Variants in DMD observed in about 807,000 individuals in gnomAD.
DMD encodes dystrophin, also known as mutant dystrophin.
Under a neutral mutation model 330.1 loss-of-function variants are expected in DMD, and 63 were observed. The ratio of observed to expected loss-of-function variants is 0.19; its 90% CI spans 0.16 to 0.24. The LOEUF is 0.24. DMD is among the 10% of genes least tolerant of loss of function. DMD has a pLI of 1.00. For missense variants in DMD, 3,344 were observed against 2,684.1 expected (o/e 1.25, Z -5.43); for synonymous variants, 1,223 against 959.8 (o/e 1.27, Z -5.07).
chrX:32,015,228 G>A (rs1348199663), intron 44 of DMD, among the ~76,000 whole-genome samples: 2 of 111,656 alleles, frequency 1.8e-5, no homozygotes, highest in African/African-American at 3.3e-5. Flanking sequence ...CAGTTCGATC[G>A]ACGCTTTTCA....
chrX:31,140,481 T>A (rs1602091169), intron 76 of DMD, among the ~76,000 whole-genome samples: 1 of 112,363 alleles, frequency 8.9e-6, no homozygotes, highest in Non-Finnish European at 1.9e-5. Flanking sequence ...TTCTCCAGTA[T>A]TTTTTAGAAG....
intron 44 of DMD, chrX:32,206,802 T>A: frequency 2.5e-6 from 1 of 393,171 alleles, no homozygotes; most frequent in Non-Finnish European, 4.7e-6. Flanking sequence ...ACAGTTGATA[T>A]CTGGCTGTCG....
intron 41 of DMD, among the ~76,000 whole-genome samples, chrX:32,317,713 G>C (rs2097588073): frequency 9.0e-6 from 1 of 110,892 alleles, no homozygotes; most frequent in Non-Finnish European, 1.9e-5. Flanking sequence ...ATATGATTAT[G>C]ACATATGCCA....
intron 42 of DMD, among the ~76,000 whole-genome samples, chrX:32,308,449 T>G: frequency 9.0e-6 from 1 of 110,784 alleles, no homozygotes; most frequent in Middle Eastern, 4.6e-3. Context: ...AAATACATAT[T>G]CACTGAAAAG....
intron 1 of DMD, among the ~76,000 whole-genome samples, chrX:33,096,786 G>A (rs954356808): frequency 2.7e-5 from 3 of 112,455 alleles, no homozygotes; most frequent in South Asian, 3.6e-4. Context: ...GATTATAGGC[G>A]CGAGCCACCG....
intron 44 of DMD, among the ~76,000 whole-genome samples, chrX:32,149,976 C>A (rs1437324445): frequency 8.9e-6 from 1 of 111,847 alleles, no homozygotes; most frequent in Non-Finnish European, 1.9e-5. Flanking sequence ...TGTCTGCAAC[C>A]AGCAGTCATT....
Position 31,180,405 on chromosome X carries a change from T to C in DMD, c.10051A>G (p.Lys3351Glu). 1 of 1,210,486 alleles carries C rather than the reference T, an allele frequency of 8.3e-7. No homozygotes were observed. Among genetic ancestry groups the C allele is most frequent in the Non-Finnish European group, 1.1e-6 (1 of 894,308 alleles). The change falls in exon 69 of 79, where the codon AAA (lysine) becomes GAA (glutamate). Residue 3351 changes from lysine (K) to glutamate (E), a missense_variant. Lys to Glu is a moderately conservative substitution (Grantham distance 56). Transcript: ENST00000357033. The stretch of plus-strand genomic sequence containing the variant: ...TATTCCACCATGGGATAGTGCATTT[T>C]ATGGCCTTTTGCAACTCGACCAGAA... ...FFSGRVAKGH[K>E]MHYPMVEYCT... is the part of the protein sequence containing the mutation.
chrX:32,342,191 G>A lies in DMD; in HGVS notation c.5831C>T (p.Ala1944Val). The part of the protein sequence containing the change: ...EGLSEDGAAM[A>V]VEPTQIQLSK... ...GAGCTGGATCTGAGTTGGCTCCACT[G>A]CCATTGCGGCCCCATCCTCAGACAA... The change falls in exon 41 of 79, where the codon GCA becomes GTA. Residue 1944 changes from alanine (A) to valine (V), a missense_variant. Coordinates refer to ENST00000357033, the MANE Select transcript of DMD (RefSeq NM_004006.3). 1.7e-6 allele frequency: 2 copies of A among 1,210,681 alleles called. No individual in the cohort carries two copies. Among genetic ancestry groups the A allele is most frequent in the Non-Finnish European group, 2.2e-6 (2 of 894,824 alleles).
intron 17 of DMD, among the ~76,000 whole-genome samples, chrX:32,518,761 C>G (rs2046117224): frequency 9.0e-6 from 1 of 110,638 alleles, no homozygotes. Flanking sequence ...CATGAAGAAG[C>G]ATGGGGCACC....
chrX:32,618,140 T>C (rs1191707327), intron 11 of DMD, among the ~76,000 whole-genome samples: 1 of 112,001 alleles, frequency 8.9e-6, no homozygotes, highest in Non-Finnish European at 1.9e-5. Flanking sequence ...AGAACTACCA[T>C]TGGACCCAGC....
rs188504262 is a variant in DMD, at chrX:31,393,587, G to A, written c.9085-44953C>T. Among the ~76,000 whole-genome samples the A allele has an allele frequency of 2.6e-3, 283 of 110,240 alleles. 2 individuals are homozygous for A. Among genetic ancestry groups the A allele is most frequent in the Non-Finnish European group, 3.7e-3 (194 of 52,881 alleles). ...CATATCAAGAGAATACATCATCATC[G>A]TCATCATCATATCAACAACTAGAAA... On this transcript the variant is annotated intron_variant, in intron 60 of 78. Transcript: ENST00000357033.
intron 54 of DMD, among the ~76,000 whole-genome samples, chrX:31,649,831 A>C (rs1178659856): frequency 9.0e-6 from 1 of 111,553 alleles, no homozygotes; most frequent in East Asian, 2.8e-4. Flanking sequence ...GAATTTTTTA[A>C]CATACCAAAT....
chrX:31,627,541 A>G, intron 55 of DMD, 132 bp downstream of exon 55: 3 of 652,096 alleles, frequency 4.6e-6, no homozygotes, highest in Non-Finnish European at 7.3e-6. Context: ...TCCTTGTCCA[A>G]ATACCGAAAT....
At chrX:31,322,882 T>A (rs1378265906) in intron 62 of DMD, among the ~76,000 whole-genome samples, 2 of 111,957 alleles carry the variant, frequency 1.8e-5, no homozygotes, top group East Asian at 2.8e-4. Flanking sequence ...AATTCAAAGT[T>A]AAATTTAAGT....
At chrX:32,467,900 A>C (rs2040212820) in intron 23 of DMD, among the ~76,000 whole-genome samples, 1 of 110,065 alleles carries the variant, frequency 9.1e-6, no homozygotes, top group African/African-American at 3.3e-5. Flanking sequence ...GGACATTAAT[A>C]CACCTACATT....
At chrX:32,798,931 G>A (rs890989250) in intron 7 of DMD, among the ~76,000 whole-genome samples, 1 of 111,243 alleles carries the variant, frequency 9.0e-6, no homozygotes, top group Admixed American at 9.6e-5. Flanking sequence ...TTGCCATTAT[G>A]GTATCAAAAT....
chrX:31,119,382 AAC>A lies in DMD; in HGVS notation c.*2535_*2536del, dbSNP rs2031945730. On this transcript the variant is annotated 3_prime_UTR_variant, in exon 79 of 79. Coordinates refer to ENST00000357033, the MANE Select transcript of DMD (RefSeq NM_004006.3). ...GTAAATGTTACAGTGTTGGTGTTAA[AAC>A]ACAATATATTATGATACTCAAGTAA... 1 of 112,501 alleles carries A rather than the reference AAC, an allele frequency of 8.9e-6. No individual in the cohort carries two copies. Among genetic ancestry groups the A allele is most frequent in the East Asian group, 2.8e-4 (1 of 3,597 alleles). 9.3% of individuals were successfully genotyped at this position (112,501 alleles called of 1,213,427 possible).
chrX:32,004,265 G>A (rs1215706139), intron 44 of DMD, among the ~76,000 whole-genome samples: 1 of 111,547 alleles, frequency 9.0e-6, no homozygotes, highest in Non-Finnish European at 1.9e-5. Context: ...GATAAAGGTA[G>A]TTTTTGTTTT....
At position 32,779,747 on chromosome X, in the gene DMD, T is replaced by C. The variant is rs1465940987; in HGVS notation, c.649+29746A>G. 2.0e-5 allele frequency among the ~76,000 whole-genome samples: 2 copies of C among 102,423 alleles called. 1 individual carries two copies. Among genetic ancestry groups the C allele is most frequent in the East Asian group, 6.1e-4 (2 of 3,278 alleles). 88.9% of individuals were successfully genotyped at this position (102,423 alleles called of 115,157 possible). ...GTGGGGGTATGGGGGAGGGATAGCATTAGGAGATATACCTAATGTTAAATG... is the reference window on the plus strand; with the variant it reads ...GTGGGGGTATGGGGGAGGGATAGCACTAGGAGATATACCTAATGTTAAATG... On this transcript the variant is annotated intron_variant, in intron 7 of 78. Coordinates refer to ENST00000357033, the MANE Select transcript of DMD (RefSeq NM_004006.3).
Sources: gnomAD v4.1 joint callset for allele counts (sites outside exome capture counted in the v4.1 genomes callset) on GRCh38, gnomAD v4.1.1 for gene constraint, MANE v1.5 for transcripts, NCBI Gene and HGNC (gene_info 2026-07-23, HGNC 2026-07-21) for gene names.